Variants in COL13A1 observed in about 807,000 individuals in gnomAD.
COL13A1 encodes the protein collagen alpha-1(XIII) chain.
A neutral mutation model predicts 130.9 loss-of-function variants in COL13A1; 89 were observed. That is an observed-to-expected ratio of 0.68 (90% confidence interval 0.57 to 0.81). The LOEUF (loss-of-function observed/expected upper bound fraction) is 0.81, where lower values mean the gene tolerates loss of function less well. Ranked by LOEUF, COL13A1 falls within the 30% of genes least tolerant of loss-of-function variation. COL13A1 has a pLI of 0.00. For synonymous variants in COL13A1, 402 were observed against 341.6 expected (o/e 1.18, Z -1.95); for missense variants, 879 against 934.6 (o/e 0.94, Z 0.78).
intron 2 of COL13A1, among the ~76,000 whole-genome samples, chr10:69,830,055 G>A (rs1031445111): frequency 6.6e-6 from 1 of 152,178 alleles, no homozygotes; most frequent in African/African-American, 2.4e-5. Context: ...AAGGCCAGAA[G>A]AGCCCTGGAC....
intron 2 of COL13A1, among the ~76,000 whole-genome samples, chr10:69,832,180 G>A (rs776511497): frequency 6.6e-6 from 1 of 152,196 alleles, no homozygotes; most frequent in Non-Finnish European, 1.5e-5. Context: ...TCCCTGATCT[G>A]CCCTGTGGAA....
chr10:69,932,364 A>G (rs545447448), intron 30 of COL13A1, among the ~76,000 whole-genome samples, 196 bp from the exon 31 acceptor site: 2 of 152,238 alleles, frequency 1.3e-5, no homozygotes, highest in African/African-American at 4.8e-5. Flanking sequence ...GTCCACAGAG[A>G]GTATCAGCCT....
intron 1 of COL13A1, among the ~76,000 whole-genome samples, chr10:69,810,471 T>C (rs1842769548): frequency 6.6e-6 from 1 of 152,060 alleles, no homozygotes; most frequent in Non-Finnish European, 1.5e-5. Flanking sequence ...CTCAAGGGGC[T>C]GAGGGGCAGT....
intron 1 of COL13A1, among the ~76,000 whole-genome samples, chr10:69,821,076 G>A (rs967867984): frequency 7.2e-5 from 11 of 152,304 alleles, no homozygotes; most frequent in Middle Eastern, 3.4e-3. Context: ...ATCCTAACTC[G>A]TCAACCTTGT....
intron 2 of COL13A1, among the ~76,000 whole-genome samples, chr10:69,857,781 C>T (rs1323844053): frequency 6.6e-6 from 1 of 152,166 alleles, no homozygotes; most frequent in Non-Finnish European, 1.5e-5. Context: ...CCTTAAAAGG[C>T]TTATAAGGGT....
intron 31 of COL13A1, 62 bp downstream of exon 31, chr10:69,932,666 T>A: frequency 4.5e-6 from 5 of 1,104,776 alleles, no homozygotes; most frequent in Non-Finnish European, 6.9e-6. Context: ...ATGCACAGTA[T>A]TTCTGTGCTT....
intron 2 of COL13A1, among the ~76,000 whole-genome samples, chr10:69,834,850 G>A (rs1343600794): frequency 6.6e-6 from 1 of 152,190 alleles, no homozygotes; most frequent in Non-Finnish European, 1.5e-5. Context: ...TCGTCCAGAG[G>A]GAGAGGGGCT....
intron 1 of COL13A1, among the ~76,000 whole-genome samples, chr10:69,817,078 C>T (rs1437146566): frequency 2.0e-5 from 3 of 152,186 alleles, no homozygotes; most frequent in Non-Finnish European, 2.9e-5. Context: ...GGAGCACAGC[C>T]ACACTGATTT....
intron 15 of COL13A1, 28 bp from the exon 16 acceptor site, chr10:69,904,905 C>CTT (rs60054259): frequency 0.035 from 51,523 of 1,456,994 alleles, 471 homozygotes; most frequent in African/African-American, 0.077. Context: ...TTTCTTTTTT[C>CTT]TTTTTTTTTT....
At chr10:69,898,387 G>A (rs1029421817) in intron 13 of COL13A1, among the ~76,000 whole-genome samples, 3 of 152,160 alleles carry the variant, frequency 2.0e-5, no homozygotes, top group African/African-American at 7.2e-5. Flanking sequence ...GTCCCATTCC[G>A]GGGGCTGCTG....
chr10:69,932,722 C>T (rs909203417), intron 31 of COL13A1, 118 bp downstream of exon 31: 75 of 689,340 alleles, frequency 1.1e-4, no homozygotes, highest in Admixed American at 2.7e-4. Context: ...TACTGAGCAC[C>T]ACCATAGGTC....
At chr10:69,906,972 G>A (rs2062826985) in intron 17 of COL13A1, among the ~76,000 whole-genome samples, 1 of 152,044 alleles carries the variant, frequency 6.6e-6, no homozygotes, top group Non-Finnish European at 1.5e-5. Flanking sequence ...CTCATGATCT[G>A]CCCACCTCAG....
chr10:69,860,473 T>A (rs1857688136), intron 2 of COL13A1, among the ~76,000 whole-genome samples: 1 of 152,188 alleles, frequency 6.6e-6, no homozygotes, highest in South Asian at 2.1e-4. Flanking sequence ...GAAAAATAAT[T>A]CTGAGGAACT....
In COL13A1 at chr10:69,855,939, G is replaced by T. The variant is rs371999418; in HGVS notation, c.365-11859G>T. Among the ~76,000 whole-genome samples the T allele has an allele frequency of 2.0e-4, 30 of 152,334 alleles. 2 individuals carry two copies. The highest frequency in any genetic ancestry group is 1.6e-3 in the Admixed American group (24 of 15,304). ...GATCTGTAGTCAGATGATAGCCAGT[G>T]GGCCCACCCATCCATTCATTTAATT... On this transcript the variant is annotated intron_variant, in intron 2 of 40. Coordinates refer to ENST00000645393, the MANE Select transcript of COL13A1 (RefSeq NM_001368882.1).
At chr10:69,880,778 G>A (rs900855133) in intron 7 of COL13A1, among the ~76,000 whole-genome samples, 11 of 152,250 alleles carry the variant, frequency 7.2e-5, no homozygotes, top group Non-Finnish European at 1.5e-4. Context: ...GGAGGGTTCT[G>A]AGGGACCTGC....
At chr10:69,946,713 A>C (rs2068594906) in intron 37 of COL13A1, among the ~76,000 whole-genome samples, 1 of 152,226 alleles carries the variant, frequency 6.6e-6, no homozygotes, top group South Asian at 2.1e-4. Flanking sequence ...CACCTGCGGT[A>C]GTGACCTCGG....
intron 35 of COL13A1, among the ~76,000 whole-genome samples, chr10:69,943,920 G>A (rs2068044580): frequency 6.6e-6 from 1 of 152,234 alleles, no homozygotes; most frequent in South Asian, 2.1e-4. Flanking sequence ...ATCTGGCTCT[G>A]AGGCATGGGG....
chr10:69,831,914 C>T (rs1014762211), intron 2 of COL13A1, among the ~76,000 whole-genome samples: 3 of 152,146 alleles, frequency 2.0e-5, no homozygotes, highest in African/African-American at 7.2e-5. Flanking sequence ...AATGACAGCA[C>T]CTACCTTGTT....
intron 17 of COL13A1, among the ~76,000 whole-genome samples, chr10:69,907,245 A>G (rs1387971605): frequency 6.6e-6 from 1 of 152,120 alleles, no homozygotes; most frequent in Non-Finnish European, 1.5e-5. Flanking sequence ...TAGCCCTAAA[A>G]CCACTCTGTG....
Sources: gnomAD v4.1 joint callset for allele counts (sites outside exome capture counted in the v4.1 genomes callset) on GRCh38, gnomAD v4.1.1 for gene constraint, MANE v1.5 for transcripts, NCBI Gene and HGNC (gene_info 2026-07-23, HGNC 2026-07-21) for gene names.